CSMD3: variants seen among roughly 807,000 people sequenced by gnomAD.
CSMD3 encodes the protein CUB and Sushi multiple domains 3.
CSMD3 carries 177 observed loss-of-function variants against 435.2 expected under a neutral mutation model. That is an observed-to-expected ratio of 0.41 (90% CI 0.36 to 0.46). CSMD3 has a LOEUF of 0.46. Among genes scored for constraint, CSMD3 ranks in the 20% least tolerant of loss-of-function variants. The pLI, the probability that CSMD3 is intolerant of heterozygous loss-of-function variation, is 0.34. For synonymous variants in CSMD3, 1,656 were observed against 1,520.5 expected, an observed-to-expected ratio of 1.09 and a Z score of -2.07; for missense variants, 4,265 against 4,504.6, an observed-to-expected ratio of 0.95 and a Z score of 1.52.
intron 13 of CSMD3, among the ~76,000 whole-genome samples, chr8:112,706,560 G>C (rs984782099): frequency 1.3e-5 from 2 of 151,996 alleles, no homozygotes; most frequent in Non-Finnish European, 2.9e-5. Flanking sequence ...GTTTGACCAA[G>C]GGAATGATAG....
chr8:113,282,255 A>G lies in CSMD3; in HGVS notation c.402-3551T>C, dbSNP rs527587211. 2.6e-5 allele frequency among the ~76,000 whole-genome samples: 4 copies of G among 152,100 alleles called. No homozygotes were observed. The South Asian group carries it at 8.3e-4, about 32-fold the overall frequency. ...ATCAGACAAGAGAAAGAAACAAAGG[A>G]CATTCAAATTAGTAAAGAGGAAGCC... On this transcript the variant is annotated intron_variant, in intron 2 of 70. Transcript: ENST00000297405.
At chr8:112,420,117 C>T (rs548697861) in intron 32 of CSMD3, among the ~76,000 whole-genome samples, 4 of 152,140 alleles carry the variant, frequency 2.6e-5, no homozygotes, top group African/African-American at 7.2e-5. Flanking sequence ...AAACATTCTC[C>T]TATGGACTAT....
chr8:113,242,452 T>C (rs2093229394), intron 3 of CSMD3, among the ~76,000 whole-genome samples: 1 of 151,698 alleles, frequency 6.6e-6, no homozygotes, highest in Admixed American at 6.6e-5. Context: ...TAGACTAAAA[T>C]TGTTGTGGGC....
At chr8:112,498,613 G>C (rs1019775491) in intron 30 of CSMD3, among the ~76,000 whole-genome samples, 1 of 152,042 alleles carries the variant, frequency 6.6e-6, no homozygotes, top group Non-Finnish European at 1.5e-5. Context: ...AGATACTCTT[G>C]CTGCAACTTT....
At chr8:112,901,907 G>A (rs1311157181) in intron 10 of CSMD3, among the ~76,000 whole-genome samples, 1 of 151,298 alleles carries the variant, frequency 6.6e-6, no homozygotes, top group African/African-American at 2.4e-5. Flanking sequence ...GAGTTAATGA[G>A]GCCTTGTAGG....
At chr8:112,385,994 G>A (rs544236827) in intron 36 of CSMD3, among the ~76,000 whole-genome samples, 2 of 152,088 alleles carry the variant, frequency 1.3e-5, no homozygotes, top group Non-Finnish European at 2.9e-5. Flanking sequence ...CTTGAGAAAG[G>A]GGAAAAGAGG....
At chr8:112,944,063 T>C (rs2083530817) in intron 9 of CSMD3, among the ~76,000 whole-genome samples, 1 of 151,666 alleles carries the variant, frequency 6.6e-6, no homozygotes, top group Admixed American at 6.6e-5. Flanking sequence ...CAAATTTACT[T>C]AGCAAGGCAA....
intron 13 of CSMD3, among the ~76,000 whole-genome samples, chr8:112,752,386 C>G (rs990701358): frequency 6.6e-6 from 1 of 152,082 alleles, no homozygotes; most frequent in Non-Finnish European, 1.5e-5. Flanking sequence ...GCTGAACAAC[C>G]CCCAAATTTT....
At chr8:112,530,081 C>G (rs1825374760) in intron 27 of CSMD3, among the ~76,000 whole-genome samples, 1 of 151,902 alleles carries the variant, frequency 6.6e-6, no homozygotes, top group Admixed American at 6.6e-5. Context: ...ACCAGCAACT[C>G]AAGGACACAT....
chr8:112,537,730 A>G (rs1308820086), intron 27 of CSMD3, among the ~76,000 whole-genome samples: 1 of 149,372 alleles, frequency 6.7e-6, no homozygotes, highest in Non-Finnish European at 1.5e-5. Context: ...CAAAGTAGTA[A>G]AAAAAAAAAG....
At chr8:113,338,192 C>T (rs1454437475) in intron 1 of CSMD3, among the ~76,000 whole-genome samples, 1 of 151,738 alleles carries the variant, frequency 6.6e-6, no homozygotes, top group East Asian at 1.9e-4. Context: ...AAAAATAACT[C>T]AGGAAATGCA....
At chr8:113,353,897 T>C (rs2094205434) in intron 1 of CSMD3, among the ~76,000 whole-genome samples, 1 of 152,328 alleles carries the variant, frequency 6.6e-6, no homozygotes, top group Admixed American at 6.5e-5. Context: ...ATTGCATCTT[T>C]TCTGCTTGTC....
chr8:113,376,697 G>A (rs1275963319), intron 1 of CSMD3: 17 of 1,612,770 alleles, frequency 1.1e-5, no homozygotes, highest in African/African-American at 1.3e-5. Flanking sequence ...CACAAGGACC[G>A]AAAGGTTCGG....
At chr8:112,742,184 C>A (rs1475935799) in intron 13 of CSMD3, among the ~76,000 whole-genome samples, 1 of 151,868 alleles carries the variant, frequency 6.6e-6, no homozygotes, top group Non-Finnish European at 1.5e-5. Flanking sequence ...TGAGGAGAAT[C>A]TGGACTGCTA....
At chr8:112,232,395 G>C (rs1813170267) in intron 68 of CSMD3, among the ~76,000 whole-genome samples, 1 of 152,134 alleles carries the variant, frequency 6.6e-6, no homozygotes, top group African/African-American at 2.4e-5. Flanking sequence ...ATCACTTGAG[G>C]TCAGGAATAT....
intron 4 of CSMD3, among the ~76,000 whole-genome samples, chr8:113,126,499 G>A (rs2091133458): frequency 6.6e-6 from 1 of 151,818 alleles, no homozygotes; most frequent in African/African-American, 2.4e-5. Context: ...ATATTATAAA[G>A]TTGATGTTAA....
chr8:113,083,479 C>A (rs2089643511), intron 5 of CSMD3, among the ~76,000 whole-genome samples: 1 of 152,084 alleles, frequency 6.6e-6, no homozygotes, highest in South Asian at 2.1e-4. Flanking sequence ...GGAAATTCAT[C>A]ACCCCTATAA....
At chr8:112,387,214 C>A (rs899754306) in intron 36 of CSMD3, among the ~76,000 whole-genome samples, 2 of 151,960 alleles carry the variant, frequency 1.3e-5, no homozygotes, top group Admixed American at 1.3e-4. Context: ...CAGGTAATTC[C>A]CAAAGAATGT....
At chr8:112,578,261 A>T (rs1355747934) in intron 23 of CSMD3, among the ~76,000 whole-genome samples, 1 of 152,036 alleles carries the variant, frequency 6.6e-6, no homozygotes, top group Non-Finnish European at 1.5e-5. Flanking sequence ...ATTCTCAATT[A>T]TACGAGCTAG....
Sources: allele counts gnomAD v4.1 joint callset (sites outside exome capture counted in the v4.1 genomes callset), GRCh38; gene constraint gnomAD v4.1.1; transcripts MANE v1.5; gene names NCBI Gene and HGNC (gene_info 2026-07-23, HGNC 2026-07-21).